SNRPN: variants seen among roughly 807,000 people sequenced by gnomAD.
SNRPN encodes small nuclear ribonucleoprotein-associated protein N.
In SNRPN, 7 loss-of-function variants were observed where a neutral mutation model predicts 25.2. That is an observed-to-expected ratio of 0.28 (90% CI 0.16 to 0.52). The LOEUF (loss-of-function observed/expected upper bound fraction) is 0.52, where lower values mean the gene tolerates loss of function less well. Among genes scored for constraint, SNRPN ranks in the 20% least tolerant of loss-of-function variants. SNRPN has a pLI of 0.96. For missense variants in SNRPN, 196 were observed against 322.5 expected, an observed-to-expected ratio of 0.61 and a Z score of 3.00; for synonymous variants, 124 against 110.6, an observed-to-expected ratio of 1.12 and a Z score of -0.76.
intron 2 of SNRPN, among the ~76,000 whole-genome samples, chr15:24,913,102 G>A (rs1328005225): frequency 1.3e-5 from 2 of 151,922 alleles, no homozygotes; most frequent in Non-Finnish European, 2.9e-5. Context: ...ACCACACCTG[G>A]CTAACTTTGG....
chr15:24,960,955 T>G (rs2074700216), intron 1 of SNRPN, among the ~76,000 whole-genome samples: 1 of 152,242 alleles, frequency 6.6e-6, no homozygotes, highest in South Asian at 2.1e-4. Flanking sequence ...CCTTCTTTTT[T>G]TTCATTGTTT....
intron 1 of SNRPN, among the ~76,000 whole-genome samples, chr15:24,958,486 G>GTTTTTTTTTTT (rs71127030): frequency 3.1e-5 from 2 of 65,298 alleles, no homozygotes; most frequent in Admixed American, 2.8e-4. Flanking sequence ...CTGGCTCAAA[G>GTTTTTTTTTTT]TTTTTTTTTT....
chr15:24,961,549 T>TTTG (rs961344013), intron 1 of SNRPN, among the ~76,000 whole-genome samples: 1 of 152,118 alleles, frequency 6.6e-6, no homozygotes, highest in Non-Finnish European at 1.5e-5. Flanking sequence ...ATGGCGGGTT[T>TTTG]TTTGTTTGTT....
chr15:24,864,653 T>G (rs900491878), intron 1 of SNRPN, among the ~76,000 whole-genome samples: 1 of 151,670 alleles, frequency 6.6e-6, no homozygotes, highest in African/African-American at 2.4e-5. Context: ...CAATGTTTTT[T>G]TTTGTTTGTT....
chr15:24,926,995 A>G (rs929135345), intron 3 of SNRPN, among the ~76,000 whole-genome samples: 2 of 152,166 alleles, frequency 1.3e-5, no homozygotes, highest in African/African-American at 2.4e-5. Context: ...TGGGTGACAG[A>G]GTGAGACCCT....
intron 3 of SNRPN, among the ~76,000 whole-genome samples, chr15:24,945,307 C>G (rs1316471284): frequency 6.7e-6 from 1 of 149,906 alleles, no homozygotes; most frequent in Non-Finnish European, 1.5e-5. Context: ...ATCCTTTCCT[C>G]CTTTCCTCCT....
intron 3 of SNRPN, among the ~76,000 whole-genome samples, chr15:24,935,553 T>C (rs1188629178): frequency 6.6e-6 from 1 of 152,024 alleles, no homozygotes; most frequent in Non-Finnish European, 1.5e-5. Context: ...GGGAACAAGG[T>C]AAGGAAGAGA....
At chr15:24,872,366 C>G (rs934390948) in intron 1 of SNRPN, among the ~76,000 whole-genome samples, 3 of 119,440 alleles carry the variant, frequency 2.5e-5, no homozygotes, top group African/African-American at 5.7e-5. Flanking sequence ...AGGGTTTCAC[C>G]ATTTTGGCCA....
intron 2 of SNRPN, among the ~76,000 whole-genome samples, chr15:24,902,306 T>G (rs1490116485): frequency 6.6e-6 from 1 of 152,184 alleles, no homozygotes; most frequent in African/African-American, 2.4e-5. Context: ...ATTTCAGATG[T>G]ATAGGAATGT....
intron 2 of SNRPN, among the ~76,000 whole-genome samples, chr15:24,841,995 A>T (rs552346194): frequency 6.6e-6 from 1 of 152,182 alleles, no homozygotes; most frequent in Admixed American, 6.5e-5. Flanking sequence ...CAGCCAGCTC[A>T]CTTACATCTG....
At chr15:24,881,576 GGAGGGAGGGAGAGAGAGAGAGAGAGAGA>G (rs1595668719) in intron 1 of SNRPN, among the ~76,000 whole-genome samples, 11 of 42,474 alleles carry the variant, frequency 2.6e-4, no homozygotes, top group East Asian at 9.9e-4. Context: ...AGGGAGGGAG[GGAGGGAGGGAGAGAGAGAGAGAGAGAGA>G]GAGAGAGAGA....
At chr15:24,845,823 G>A (rs1801075472) in intron 2 of SNRPN, among the ~76,000 whole-genome samples, 1 of 152,064 alleles carries the variant, frequency 6.6e-6, no homozygotes, top group South Asian at 2.1e-4. Context: ...GGTGGCTCAA[G>A]ACTGTAATCC....
intron 2 of SNRPN, among the ~76,000 whole-genome samples, chr15:24,916,135 A>G (rs2059506152): frequency 6.6e-6 from 1 of 151,754 alleles, no homozygotes; most frequent in South Asian, 2.1e-4. Flanking sequence ...TAACTTTTGT[A>G]TTTTTAGTAG....
At chr15:24,948,192 C>T (rs1218394287) in intron 3 of SNRPN, among the ~76,000 whole-genome samples, 1 of 152,132 alleles carries the variant, frequency 6.6e-6, no homozygotes, top group Non-Finnish European at 1.5e-5. Context: ...TGGCTCACTG[C>T]AACCTCCAGC....
At chr15:24,899,832 C>T (rs1215412845) in intron 2 of SNRPN, among the ~76,000 whole-genome samples, 2 of 152,206 alleles carry the variant, frequency 1.3e-5, no homozygotes, top group African/African-American at 2.4e-5. Flanking sequence ...CCACTTCAAA[C>T]ATTCCCTCCT....
Position 24,905,732 on chromosome 15 carries a change from A to G in SNRPN, c.-504-14279A>G, listed in dbSNP as rs146698685. On this transcript the variant is annotated intron_variant, in intron 2 of 11. Coordinates refer to the SNRPN transcript ENST00000400097. ...AAGATTAATATTTGGAATAAACTGT[A>G]AACTCAGCTTCTGAGTCCAGAGATC... Among the ~76,000 whole-genome samples, 195 of 152,338 alleles carry G rather than the reference A, an allele frequency of 1.3e-3. 3 individuals carry two copies. Among genetic ancestry groups the G allele is most frequent in the Middle Eastern group, 3.4e-3 (1 of 292 alleles).
chr15:24,911,919 A>G (rs959528889), intron 2 of SNRPN, among the ~76,000 whole-genome samples: 19 of 152,222 alleles, frequency 1.2e-4, no homozygotes, highest in African/African-American at 4.6e-4. Context: ...TGTAATAGAC[A>G]TAGACACCTG....
chr15:24,925,184 T>C (rs2060296155), intron 3 of SNRPN, among the ~76,000 whole-genome samples: 1 of 152,172 alleles, frequency 6.6e-6, no homozygotes, highest in South Asian at 2.1e-4. Flanking sequence ...AGAAAAATAT[T>C]GATGCCTCCA....
intron 3 of SNRPN, among the ~76,000 whole-genome samples, chr15:24,949,867 G>A (rs1161086892): frequency 6.9e-6 from 1 of 145,632 alleles, no homozygotes; most frequent in African/African-American, 2.5e-5. Flanking sequence ...TCACTCTGTT[G>A]CCCAGGCTAA....
Sources: gnomAD v4.1 joint callset for allele counts (sites outside exome capture counted in the v4.1 genomes callset) on GRCh38, gnomAD v4.1.1 for gene constraint, MANE v1.5 for transcripts, NCBI Gene and HGNC (gene_info 2026-07-23, HGNC 2026-07-21) for gene names.